The following ZMYM6 variants were observed in gnomAD, a reference collection of about 807,000 sequenced individuals.
ZMYM6 encodes zinc finger MYM-type containing 6.
In ZMYM6, 90 loss-of-function variants were observed where a neutral mutation model predicts 134.0. That is an observed-to-expected ratio of 0.67 (90% CI 0.57 to 0.80). The LOEUF is 0.80. Among genes scored for constraint, ZMYM6 ranks in the 30% least tolerant of loss-of-function variants. ZMYM6 has a pLI of 0.00. For missense variants in ZMYM6, 1,362 were observed against 1,533.9 expected (o/e 0.89, Z 1.87); for synonymous variants, 481 against 524.1 (o/e 0.92, Z 1.12).
intron 4 of ZMYM6, among the ~76,000 whole-genome samples, chr1:35,015,745 T>A (rs563537151): frequency 0.048 from 4,717 of 99,164 alleles, 172 homozygotes; most frequent in East Asian, 0.24. Flanking sequence ...AAAAAAAAAA[T>A]ATATATATAT....
intron 13 of ZMYM6, among the ~76,000 whole-genome samples, chr1:35,004,888 T>C (rs1417947190): frequency 6.6e-6 from 1 of 151,728 alleles, no homozygotes; most frequent in Non-Finnish European, 1.5e-5. Context: ...TGAAATCCCG[T>C]CTCTACTAAA....
intron 2 of ZMYM6, among the ~76,000 whole-genome samples, chr1:35,027,903 C>T (rs1641442857): frequency 6.6e-6 from 1 of 152,108 alleles, no homozygotes; most frequent in Non-Finnish European, 1.5e-5. Flanking sequence ...TGGATGCCAC[C>T]ATCCCCCACT....
At chr1:34,999,785 C>T (rs932769823) in intron 14 of ZMYM6, among the ~76,000 whole-genome samples, 1 of 152,078 alleles carries the variant, frequency 6.6e-6, no homozygotes, top group Non-Finnish European at 1.5e-5. Context: ...TATATGGGTA[C>T]AGTCATAACT....
At chr1:35,006,199 G>A (rs1640963080) in intron 12 of ZMYM6, among the ~76,000 whole-genome samples, 1 of 152,120 alleles carries the variant, frequency 6.6e-6, no homozygotes, top group Non-Finnish European at 1.5e-5. Flanking sequence ...GTAGAGATGG[G>A]GTTTCACCAT....
intron 14 of ZMYM6, among the ~76,000 whole-genome samples, chr1:34,993,445 G>C (rs1640722070): frequency 6.6e-6 from 1 of 152,086 alleles, no homozygotes; most frequent in Admixed American, 6.6e-5. Flanking sequence ...AAACACAAAA[G>C]AGTAAATCAA....
At chr1:34,997,352 G>A (rs528882177) in intron 14 of ZMYM6, among the ~76,000 whole-genome samples, 1 of 152,304 alleles carries the variant, frequency 6.6e-6, no homozygotes, top group Admixed American at 6.5e-5. Context: ...CACCCAGACT[G>A]GAGTGCAGTG....
At chr1:35,012,079 A>C (rs1335535428) in intron 7 of ZMYM6, 74 bp from the exon 8 acceptor site, 1 of 935,252 alleles carries the variant, frequency 1.1e-6, no homozygotes, top group Non-Finnish European at 1.5e-6. Flanking sequence ...TATTGGGAGA[A>C]TGAAAAAATT....
intron 6 of ZMYM6, chr1:35,012,987 G>C: frequency 1.0e-6 from 1 of 981,960 alleles, no homozygotes; most frequent in Non-Finnish European, 1.2e-6. Flanking sequence ...AGATTCTTTA[G>C]CAGGAGATAG....
At chr1:35,018,271 G>A (rs929795413) in intron 4 of ZMYM6, 2 of 151,736 alleles carry the variant, frequency 1.3e-5, no homozygotes, top group Non-Finnish European at 2.9e-5. Context: ...CTGAGCCCGG[G>A]GAGTTCAAGG....
At chr1:35,020,129 G>T (rs537363913) in intron 3 of ZMYM6, among the ~76,000 whole-genome samples, 3 of 152,054 alleles carry the variant, frequency 2.0e-5, no homozygotes, top group African/African-American at 4.8e-5. Flanking sequence ...GTTTGTAAAC[G>T]TGGGGATGTA....
Position 35,019,415 on chromosome 1 carries a change from G to A in ZMYM6, c.366C>T (p.Thr122=). Residue 122 remains threonine, a synonymous_variant, in exon 4 of 16, where the codon ACC becomes ACT. Transcript: ENST00000357182. Reference sequence around the variant, plus strand: ...GCAGGCAGGCAGGTGAAGAATGTCTGGTGATGCATCGTGTGGAGCAGAAGA... The same window carrying A: ...GCAGGCAGGCAGGTGAAGAATGTCTAGTGATGCATCGTGTGGAGCAGAAGA... ...TQLFCSTRCI[T]RHSSPACLPP... 6.2e-7 allele frequency: 1 copy of A among 1,614,152 alleles called. No homozygotes were observed. Among genetic ancestry groups the A allele is most frequent in the Admixed American group, 1.7e-5 (1 of 60,010 alleles).
chr1:34,987,781 C>T lies in ZMYM6; in HGVS notation c.3301G>A (p.Ala1101Thr). The T allele has an allele frequency of 6.4e-7, 1 of 1,551,404 alleles. No individual in the cohort carries two copies. Among genetic ancestry groups the T allele is most frequent in the South Asian group, 1.2e-5 (1 of 84,010 alleles). Reference protein sequence around the residue: ...IFLSQKHSDLAKYFHDEEWVG... With the variant: ...IFLSQKHSDLTKYFHDEEWVG... The stretch of plus-strand genomic sequence containing the variant: ...CATTCCTCATCATGAAAATACTTGG[C>T]CAAATCTGAATGCTTTTGACTTAAA... The change falls in exon 16 of 16, where the codon GCC becomes ACC. Residue 1101 changes from alanine to threonine, a missense_variant. Transcript: ENST00000357182.
intron 2 of ZMYM6, 97 bp from the exon 3 acceptor site, chr1:35,020,564 T>G: frequency 8.4e-6 from 3 of 355,572 alleles, no homozygotes; most frequent in African/African-American, 2.2e-5. Context: ...ATCCTATTCA[T>G]CTCCTTTTTT....
intron 14 of ZMYM6, among the ~76,000 whole-genome samples, chr1:35,000,033 A>C (rs1410608247): frequency 6.6e-6 from 1 of 152,070 alleles, no homozygotes; most frequent in Non-Finnish European, 1.5e-5. Context: ...TCTAGGCTCA[A>C]GCAACCCTCC....
intron 2 of ZMYM6, among the ~76,000 whole-genome samples, chr1:35,029,636 C>T (rs573284486): frequency 6.6e-6 from 1 of 152,138 alleles, no homozygotes; most frequent in Non-Finnish European, 1.5e-5. Context: ...ACTGTTCCTG[C>T]AGGTCTTAAA....
Position 35,019,471 on chromosome 1 carries a change from T to C in ZMYM6, c.310A>G (p.Thr104Ala). The change falls in exon 4 of 16, where the codon ACT becomes GCT. Residue 104 changes from threonine (T) to alanine (A), a missense_variant. Transcript: ENST00000357182. ...GCKKMLYKGQ[T>A]AYHKTGSTQL... ...GTAGATCCTGTCTTATGATATGCAGTTTGGCCCTTATAAAGCATTTTTTTA... is the reference window on the plus strand; with the variant it reads ...GTAGATCCTGTCTTATGATATGCAGCTTGGCCCTTATAAAGCATTTTTTTA... 6.2e-7 allele frequency: 1 copy of C among 1,614,142 alleles called. No homozygotes were observed. The highest frequency in any genetic ancestry group is 8.5e-7 in the Non-Finnish European group (1 of 1,180,016).
In ZMYM6 at chr1:35,030,641, C is replaced by G. The variant is rs767968987; in HGVS notation, c.-2G>C. 6.2e-7 allele frequency: 1 copy of G among 1,611,488 alleles called. No homozygotes were observed. Among genetic ancestry groups the G allele is most frequent in the Non-Finnish European group, 8.5e-7 (1 of 1,179,638 alleles). On this transcript the variant is annotated 5_prime_UTR_variant, in exon 2 of 16. Coordinates refer to ENST00000357182, the MANE Select transcript of ZMYM6 (RefSeq NM_007167.4). Reference sequence around the variant, plus strand: ...TTCACCATCCAAAGGTTCTTTCATTCTAATTTTTTACCTCAAAGAGTGTCT... The same window carrying G: ...TTCACCATCCAAAGGTTCTTTCATTGTAATTTTTTACCTCAAAGAGTGTCT...
chr1:35,004,909 T>C (rs1640938887), intron 13 of ZMYM6, among the ~76,000 whole-genome samples: 2 of 151,794 alleles, frequency 1.3e-5, no homozygotes, highest in Non-Finnish European at 1.5e-5. Context: ...AATATCAAAA[T>C]TAGCTGGGCG....
At chr1:35,000,808 A>G (rs1640867614) in intron 14 of ZMYM6, among the ~76,000 whole-genome samples, 2 of 152,214 alleles carry the variant, frequency 1.3e-5, no homozygotes, top group Non-Finnish European at 2.9e-5. Flanking sequence ...ACTAACTGGT[A>G]GTAGTGGTTA....
Sources: allele counts gnomAD v4.1 joint callset (sites outside exome capture counted in the v4.1 genomes callset), GRCh38; gene constraint gnomAD v4.1.1; transcripts MANE v1.5; gene names NCBI Gene and HGNC (gene_info 2026-07-23, HGNC 2026-07-21).